MYO1B: variants seen among roughly 807,000 people sequenced by gnomAD.
MYO1B encodes the protein unconventional myosin-Ib.
A neutral mutation model predicts 159.7 loss-of-function variants in MYO1B; 72 were observed. The ratio of observed to expected loss-of-function variants is 0.45; its 90% CI spans 0.37 to 0.55. The LOEUF (loss-of-function observed/expected upper bound fraction) is 0.55, where lower values mean the gene tolerates loss of function less well. Ranked by LOEUF, MYO1B falls within the 20% of genes least tolerant of loss-of-function variation. MYO1B has a pLI of 0.00. For synonymous variants in MYO1B, 468 were observed against 473.8 expected (o/e 0.99, Z 0.16); for missense variants, 1,062 against 1,364.8 (o/e 0.78, Z 3.50).
intron 7 of MYO1B, among the ~76,000 whole-genome samples, chr2:191,357,641 A>G (rs1693389750): frequency 6.6e-6 from 1 of 152,228 alleles, no homozygotes; most frequent in Non-Finnish European, 1.5e-5. Context: ...TGGCGGTGGT[A>G]GAAGTACCTA....
At chr2:191,368,848 C>T (rs1430517733) in intron 11 of MYO1B, among the ~76,000 whole-genome samples, 2 of 152,072 alleles carry the variant, frequency 1.3e-5, no homozygotes, top group African/African-American at 4.8e-5. Context: ...GTGGCACACA[C>T]GTGTAGTCCC....
intron 4 of MYO1B, among the ~76,000 whole-genome samples, chr2:191,336,671 G>A (rs1373936304): frequency 6.6e-6 from 1 of 152,086 alleles, no homozygotes; most frequent in African/African-American, 2.4e-5. Flanking sequence ...TTGGATGTGC[G>A]GGAGCTGGGT....
At chr2:191,294,544 T>C (rs1023026343) in intron 2 of MYO1B, among the ~76,000 whole-genome samples, 46 of 152,216 alleles carry the variant, frequency 3.0e-4, no homozygotes, top group African/African-American at 1.1e-3. Flanking sequence ...GCTTGTGACA[T>C]TGTCCTTGGG....
At chr2:191,255,102 A>AT (rs1686358902) in intron 1 of MYO1B, among the ~76,000 whole-genome samples, 1 of 151,116 alleles carries the variant, frequency 6.6e-6, no homozygotes, top group Admixed American at 6.6e-5. Context: ...CATTTTTTAC[A>AT]TTTTTTTGTG....
Position 191,423,914 on chromosome 2 carries a change from C to A in MYO1B, c.3365C>A (p.Thr1122Lys), listed in dbSNP as rs771593662. The change falls in exon 31 of 31, where the codon ACA (threonine) becomes AAA (lysine). Residue 1122 changes from threonine to lysine, a missense_variant. Physicochemically the swap from Thr to Lys is moderately conservative, Grantham distance 78. Around this residue, in one of 5 missense-constraint regions of MYO1B, gnomAD observed 609 missense variants for 744.4 expected, o/e 0.82. Transcript: ENST00000392318. ...AACCAGAAAAATGGGAGTGTCCCAA[C>A]ATGTAAACGAAAAAACAACCGTCTC... ...QGNQKNGSVP[T>K]CKRKNNRLLE... The A allele has an allele frequency of 6.0e-5, 97 of 1,613,786 alleles. No individual in the cohort carries two copies. Among genetic ancestry groups the A allele is most frequent in the Non-Finnish European group, 8.1e-5 (95 of 1,179,868 alleles).
At chr2:191,305,090 A>G (rs1411750073) in intron 3 of MYO1B, among the ~76,000 whole-genome samples, 2 of 152,232 alleles carry the variant, frequency 1.3e-5, no homozygotes, top group Non-Finnish European at 2.9e-5. Flanking sequence ...CTGCTGAAGG[A>G]TTAGTATAAT....
At chr2:191,394,377 C>G (rs1695940746) in intron 20 of MYO1B, among the ~76,000 whole-genome samples, 1 of 152,152 alleles carries the variant, frequency 6.6e-6, no homozygotes, top group South Asian at 2.1e-4. Context: ...AACAAGAGGA[C>G]CAAAAAGTCC....
At chr2:191,345,460 C>T (rs942473364) in intron 5 of MYO1B, among the ~76,000 whole-genome samples, 2 of 152,152 alleles carry the variant, frequency 1.3e-5, no homozygotes, top group African/African-American at 4.8e-5. Flanking sequence ...CGTGCTGTTC[C>T]CTGTGTTAAA....
At position 191,424,558 on chromosome 2, in the gene MYO1B, G is replaced by A. The variant is rs1373519358; in HGVS notation, c.*598G>A. 6.6e-6 allele frequency: 1 copy of A among 152,030 alleles called. No homozygotes were observed. The highest frequency in any genetic ancestry group is 1.5e-5 in the Non-Finnish European group (1 of 67,988). The allele number at this position is 152,030 out of a possible 1,614,324, so 9.4% of individuals were successfully genotyped here. ...CTTCAAGAAGGGCTGGTCCTAAGAG[G>A]GGGCAGAAATGAATGACCAGGTTAA... On this transcript the variant is annotated 3_prime_UTR_variant, in exon 31 of 31. Transcript: ENST00000392318.
chr2:191,415,841 C>G (rs964710773), intron 29 of MYO1B, among the ~76,000 whole-genome samples: 1 of 152,152 alleles, frequency 6.6e-6, no homozygotes, highest in African/African-American at 2.4e-5. Flanking sequence ...GTGGTAGGGC[C>G]TGAGATTCTG....
chr2:191,331,541 A>G (rs1691475236), intron 4 of MYO1B, among the ~76,000 whole-genome samples: 1 of 152,148 alleles, frequency 6.6e-6, no homozygotes, highest in Non-Finnish European at 1.5e-5. Flanking sequence ...TGAAGTCAAC[A>G]TTTTATCTTT....
chr2:191,395,178 G>A (rs73984129), intron 20 of MYO1B, among the ~76,000 whole-genome samples: 2,404 of 152,258 alleles, frequency 0.016, 64 homozygotes, highest in African/African-American at 0.054. Flanking sequence ...TACCAAATGC[G>A]TGTCAGAATG....
At chr2:191,392,790 C>T (rs1411578466) in intron 19 of MYO1B, among the ~76,000 whole-genome samples, 1 of 152,162 alleles carries the variant, frequency 6.6e-6, no homozygotes, top group African/African-American at 2.4e-5. Context: ...TTTGCATCCT[C>T]ATAGACAGTG....
rs192291574 is a variant in MYO1B at position 191,331,023 on chromosome 2, A to G, written c.346+994A>G. On this transcript the variant is annotated intron_variant, in intron 4 of 30. Coordinates refer to ENST00000392318, the MANE Select transcript of MYO1B (RefSeq NM_001130158.3). ...ATATTTGTGCCTTGAAAGGCTCACT[A>G]TCTACATCGAAATGGTTTTCCTTCT... Among the ~76,000 whole-genome samples the G allele has an allele frequency of 2.1e-4, 32 of 152,284 alleles. No individual in the cohort carries two copies. In the East Asian group the frequency reaches 6.2e-3, roughly 29 times the overall value.
intron 4 of MYO1B, among the ~76,000 whole-genome samples, chr2:191,331,784 A>G (rs1327840464): frequency 6.6e-6 from 1 of 152,210 alleles, no homozygotes; most frequent in Non-Finnish European, 1.5e-5. Context: ...AAGTGGAGTG[A>G]AGGAAAATCA....
At chr2:191,253,669 A>G (rs1686264340) in intron 1 of MYO1B, among the ~76,000 whole-genome samples, 1 of 152,160 alleles carries the variant, frequency 6.6e-6, no homozygotes, top group Non-Finnish European at 1.5e-5. Context: ...ACAAAATTCC[A>G]TTTTCCATAT....
intron 4 of MYO1B, among the ~76,000 whole-genome samples, chr2:191,333,439 A>T (rs563981683): frequency 5.3e-5 from 8 of 152,294 alleles, no homozygotes; most frequent in Non-Finnish European, 7.4e-5. Context: ...AATGTTTGTT[A>T]TCCTTGATTT....
At chr2:191,294,699 G>A (rs910265342) in intron 2 of MYO1B, among the ~76,000 whole-genome samples, 19 of 152,154 alleles carry the variant, frequency 1.2e-4, no homozygotes, top group African/African-American at 4.6e-4. Context: ...CATGGGAACT[G>A]AGAGTTTTCT....
intron 3 of MYO1B, among the ~76,000 whole-genome samples, chr2:191,321,653 G>A (rs759004286): frequency 1.3e-5 from 2 of 152,144 alleles, no homozygotes; most frequent in Non-Finnish European, 2.9e-5. Context: ...CCTCCCTGCT[G>A]TCTGCTTCCT....
Sources: allele counts gnomAD v4.1 joint callset (sites outside exome capture counted in the v4.1 genomes callset), GRCh38; gene constraint gnomAD v4.1.1; regional missense constraint gnomAD v4.1.1; transcripts MANE v1.5; gene names NCBI Gene and HGNC (gene_info 2026-07-23, HGNC 2026-07-21).